Variants in RPS6KC1 observed in about 807,000 individuals in gnomAD.
RPS6KC1 encodes inactive ribosomal protein S6 kinase delta-1.
A neutral mutation model predicts 103.8 loss-of-function variants in RPS6KC1; 54 were observed. The ratio of observed to expected loss-of-function variants is 0.52; its 90% confidence interval spans 0.42 to 0.65. The LOEUF (loss-of-function observed/expected upper bound fraction) is 0.65. RPS6KC1 is among the 30% of genes least tolerant of loss of function. The pLI is 0.00. For missense variants in RPS6KC1, 1,151 were observed against 1,253.8 expected (o/e 0.92, Z 1.24); for synonymous variants, 439 against 438.7 (o/e 1.00, Z -0.01).
At chr1:213,260,357 C>A (rs1160413066) in intron 12 of RPS6KC1, among the ~76,000 whole-genome samples, 1 of 152,054 alleles carries the variant, frequency 6.6e-6, no homozygotes, top group African/African-American at 2.4e-5. Flanking sequence ...GCTGTTTGAA[C>A]CTCAGAAAAA....
At chr1:213,655,676 A>C in the RPS6KC1 span, among the ~76,000 whole-genome samples, 9 of 152,078 alleles carry the variant, frequency 5.9e-5, no homozygotes, top group Non-Finnish European at 1.2e-4. Context: ...GATCATACAC[A>C]TTTTTCTGGT....
chr1:213,129,878 A>C lies in RPS6KC1; in HGVS notation c.824A>C (p.Glu275Ala). ...AGGAAGGGAGTTGATTTACTCCTAG[A>C]AGGTGTTCAAGGTATGGTTTTATGT... is the stretch of plus-strand genomic sequence containing the variant. ...FYRKGVDLLL[E>A]GVQGESSPTR... The change falls in exon 6 of 15, where the codon GAA (glutamate) becomes GCA (alanine). Residue 275 changes from glutamate to alanine, a missense_variant. Coordinates refer to ENST00000366960, the MANE Select transcript of RPS6KC1 (RefSeq NM_012424.6). 1 of 1,595,152 alleles carries C rather than the reference A, an allele frequency of 6.3e-7. No individual in the cohort carries two copies. Among genetic ancestry groups the C allele is most frequent in the Non-Finnish European group, 8.5e-7 (1 of 1,175,438 alleles).
chr1:213,343,166 A>G, the RPS6KC1 span, among the ~76,000 whole-genome samples: 6 of 152,012 alleles, frequency 3.9e-5, no homozygotes, highest in East Asian at 1.2e-3. Context: ...ATACTAAAAC[A>G]TTTCAATAGG....
the RPS6KC1 span, among the ~76,000 whole-genome samples, chr1:213,526,028 T>C: frequency 6.6e-6 from 1 of 152,058 alleles, no homozygotes; most frequent in Non-Finnish European, 1.5e-5. Context: ...TTTTAAAAAA[T>C]GGGAGATAAT....
the RPS6KC1 span, among the ~76,000 whole-genome samples, chr1:213,437,388 T>G: frequency 6.6e-6 from 1 of 152,102 alleles, no homozygotes; most frequent in Non-Finnish European, 1.5e-5. Context: ...AATTTTTTTA[T>G]GTATCACAGG....
At chr1:213,699,104 T>G in the RPS6KC1 span, among the ~76,000 whole-genome samples, 1 of 152,292 alleles carries the variant, frequency 6.6e-6, no homozygotes, top group East Asian at 1.9e-4. Context: ...TAAATTATTA[T>G]TGACTATAGT....
chr1:213,220,894 T>C (rs892915419), intron 8 of RPS6KC1, among the ~76,000 whole-genome samples: 8 of 152,214 alleles, frequency 5.3e-5, no homozygotes, highest in Non-Finnish European at 1.2e-4. Context: ...TGAAGTATTA[T>C]GGTAAATGTG....
At chr1:213,248,987 T>G (rs2094499760) in intron 12 of RPS6KC1, among the ~76,000 whole-genome samples, 1 of 152,236 alleles carries the variant, frequency 6.6e-6, no homozygotes, top group South Asian at 2.1e-4. Flanking sequence ...ATGTCAAGCT[T>G]TAGATTATTA....
At chr1:213,340,263 A>G in the RPS6KC1 span, among the ~76,000 whole-genome samples, 2 of 152,200 alleles carry the variant, frequency 1.3e-5, no homozygotes, top group Admixed American at 1.3e-4. Flanking sequence ...GAAACTCATA[A>G]TGAGGCTTAG....
chr1:213,844,245 G>T, the RPS6KC1 span, among the ~76,000 whole-genome samples: 1 of 152,036 alleles, frequency 6.6e-6, no homozygotes, highest in African/African-American at 2.4e-5. Context: ...CTGGTGCATT[G>T]CACAATAGTA....
chr1:213,784,702 G>A, the RPS6KC1 span, among the ~76,000 whole-genome samples: 166 of 152,314 alleles, frequency 1.1e-3, no homozygotes, highest in African/African-American at 3.9e-3. Context: ...AAGCTGGAGA[G>A]TGCCAACTGG....
chr1:213,136,140 A>G (rs190770095), intron 6 of RPS6KC1, among the ~76,000 whole-genome samples: 53 of 152,308 alleles, frequency 3.5e-4, no homozygotes, highest in African/African-American at 1.2e-3. Flanking sequence ...TGTATTTGCT[A>G]TCCCCTTTCT....
At chr1:213,053,266 T>A (rs916821351) in intron 1 of RPS6KC1, among the ~76,000 whole-genome samples, 4 of 152,214 alleles carry the variant, frequency 2.6e-5, no homozygotes, top group Non-Finnish European at 5.9e-5. Flanking sequence ...AACAGGAAAG[T>A]TATATTGTAT....
chr1:213,576,867 C>A, the RPS6KC1 span, among the ~76,000 whole-genome samples: 3 of 152,086 alleles, frequency 2.0e-5, no homozygotes, highest in African/African-American at 7.2e-5. Context: ...GTTACAAATG[C>A]AAAGAAGTTA....
intron 5 of RPS6KC1, among the ~76,000 whole-genome samples, chr1:213,128,187 A>G (rs2085204477): frequency 6.6e-6 from 1 of 152,252 alleles, no homozygotes; most frequent in Admixed American, 6.5e-5. Context: ...AGAATCAGAT[A>G]TGAGATTCTA....
intron 6 of RPS6KC1, among the ~76,000 whole-genome samples, chr1:213,143,010 A>T (rs75541057): frequency 0.045 from 6,779 of 152,102 alleles, 253 homozygotes; most frequent in African/African-American, 0.096. Context: ...GATTAGGTAT[A>T]TTTAGCAAAT....
the RPS6KC1 span, among the ~76,000 whole-genome samples, chr1:213,292,861 C>A: frequency 1.3e-5 from 2 of 152,140 alleles, no homozygotes; most frequent in South Asian, 4.1e-4. Context: ...AGGGCTCCCC[C>A]ACAATGTTTC....
chr1:213,145,474 TA>T (rs2087638453), intron 6 of RPS6KC1, among the ~76,000 whole-genome samples: 1 of 152,102 alleles, frequency 6.6e-6, no homozygotes, highest in Non-Finnish European at 1.5e-5. Flanking sequence ...TCCTGGAATA[TA>T]CACAGAGTAC....
chr1:213,605,283 T>C, the RPS6KC1 span, among the ~76,000 whole-genome samples: 1 of 152,198 alleles, frequency 6.6e-6, no homozygotes, highest in Non-Finnish European at 1.5e-5. Context: ...GTTCTAAAAA[T>C]TCATTCTTAA....
Sources: gnomAD v4.1 joint callset for allele counts (sites outside exome capture counted in the v4.1 genomes callset) on GRCh38, gnomAD v4.1.1 for gene constraint, MANE v1.5 for transcripts, NCBI Gene and HGNC (gene_info 2026-07-23, HGNC 2026-07-21) for gene names.